The following DCC variants were observed in gnomAD, a reference collection of about 807,000 sequenced individuals.
DCC encodes the protein DCC netrin 1 receptor.
DCC carries 58 observed loss-of-function variants against 172.5 expected under a neutral mutation model. The ratio of observed to expected loss-of-function variants is 0.34; its 90% CI spans 0.27 to 0.42. The LOEUF is 0.42. Among genes scored for constraint, DCC ranks in the 10% least tolerant of loss-of-function variants. The probability of loss-of-function intolerance (pLI) is 1.00; values close to 1 mark genes in which losing one functional copy is unlikely to be tolerated. For synonymous variants in DCC, 709 were observed against 644.5 expected, an observed-to-expected ratio of 1.10 and a Z score of -1.52; for missense variants, 1,740 against 1,791.0, an observed-to-expected ratio of 0.97 and a Z score of 0.51.
chr18:52,661,137 G>A (rs1259267267), intron 1 of DCC, among the ~76,000 whole-genome samples: 6 of 152,144 alleles, frequency 3.9e-5, no homozygotes, highest in Admixed American at 3.9e-4. Context: ...TACCCTGGTG[G>A]GGAACAAATA....
chr18:52,572,593 G>A (rs1271728948), intron 1 of DCC, among the ~76,000 whole-genome samples: 1 of 152,166 alleles, frequency 6.6e-6, no homozygotes, highest in Non-Finnish European at 1.5e-5. Context: ...TGTTGCCCGT[G>A]GGGCTTTGCT....
chr18:52,784,547 C>G (rs961759430), intron 2 of DCC, among the ~76,000 whole-genome samples: 1 of 151,936 alleles, frequency 6.6e-6, no homozygotes, highest in African/African-American at 2.4e-5. Flanking sequence ...TATACGGGTT[C>G]AATTTTTCTC....
At chr18:52,364,806 A>G (rs58124795) in intron 1 of DCC, among the ~76,000 whole-genome samples, 2,055 of 152,322 alleles carry the variant, frequency 0.013, 33 homozygotes, top group African/African-American at 0.046. Context: ...AGGAGGTGGC[A>G]TGGTGAAGTC....
chr18:52,544,816 C>G (rs541703558), intron 1 of DCC, among the ~76,000 whole-genome samples: 1 of 152,254 alleles, frequency 6.6e-6, no homozygotes, highest in Admixed American at 6.5e-5. Context: ...TGAATGTTGT[C>G]TGGAAAAGTT....
chr18:53,463,059 T>G (rs1182420842), intron 24 of DCC, among the ~76,000 whole-genome samples: 3 of 152,256 alleles, frequency 2.0e-5, no homozygotes, highest in African/African-American at 7.2e-5. Flanking sequence ...ACAAATCCCT[T>G]TTGCAGGAAC....
intron 7 of DCC, among the ~76,000 whole-genome samples, chr18:53,136,178 T>C (rs931711297): frequency 1.3e-5 from 2 of 149,832 alleles, no homozygotes; most frequent in African/African-American, 2.5e-5. Context: ...GTATATTCTT[T>C]ATGGGCATGT....
At chr18:53,150,398 C>T (rs1325215025) in intron 7 of DCC, among the ~76,000 whole-genome samples, 2 of 152,138 alleles carry the variant, frequency 1.3e-5, no homozygotes, top group Admixed American at 1.3e-4. Context: ...TAGCTGGACC[C>T]TGCAATAATT....
chr18:52,751,365 A>T (rs1046880939), intron 1 of DCC, among the ~76,000 whole-genome samples: 3 of 152,128 alleles, frequency 2.0e-5, no homozygotes, highest in Non-Finnish European at 4.4e-5. Flanking sequence ...CCCTTGGTTG[A>T]TTCTTTATGT....
chr18:53,442,246 T>A (rs575228056), intron 22 of DCC, among the ~76,000 whole-genome samples: 2 of 152,376 alleles, frequency 1.3e-5, no homozygotes, highest in East Asian at 3.9e-4. Flanking sequence ...GTGCTAACCC[T>A]GCATTGTGCA....
intron 7 of DCC, among the ~76,000 whole-genome samples, chr18:53,136,703 TG>T (rs1460058123): frequency 6.6e-6 from 1 of 152,160 alleles, no homozygotes; most frequent in East Asian, 1.9e-4. Flanking sequence ...GGTGATTTTT[TG>T]GTTGATGTAC....
chr18:53,029,313 C>T (rs926041764), intron 5 of DCC, among the ~76,000 whole-genome samples: 2 of 152,126 alleles, frequency 1.3e-5, no homozygotes, highest in Admixed American at 1.3e-4. Context: ...ATTTCTATTG[C>T]TTCATTAGAA....
chr18:53,203,202 TGTGTGTG>T (rs146091405), intron 9 of DCC, among the ~76,000 whole-genome samples: 3,869 of 89,934 alleles, frequency 0.043, 130 homozygotes, highest in African/African-American at 0.14. Context: ...TAGATTCTCT[TGTGTGTG>T]TGTGTGTGTG....
intron 1 of DCC, among the ~76,000 whole-genome samples, chr18:52,660,098 C>G (rs1457490001): frequency 6.6e-6 from 1 of 152,110 alleles, no homozygotes; most frequent in African/African-American, 2.4e-5. Flanking sequence ...TCTAGATTCT[C>G]ACTTCAATGT....
At chr18:53,057,281 A>G (rs2042421499) in intron 5 of DCC, among the ~76,000 whole-genome samples, 1 of 152,104 alleles carries the variant, frequency 6.6e-6, no homozygotes, top group African/African-American at 2.4e-5. Flanking sequence ...ACGTTTAAAA[A>G]GAAAAACAGA....
At chr18:52,832,244 AG>A (rs2145297463) in intron 2 of DCC, among the ~76,000 whole-genome samples, 2 of 152,252 alleles carry the variant, frequency 1.3e-5, no homozygotes, top group South Asian at 4.1e-4. Flanking sequence ...TGGGTTTCAT[AG>A]GGGAAAGAGC....
intron 7 of DCC, among the ~76,000 whole-genome samples, chr18:53,068,229 A>T (rs116326391): frequency 0.015 from 2,265 of 152,256 alleles, 62 homozygotes; most frequent in African/African-American, 0.052. Flanking sequence ...CTTTAAAATC[A>T]GGGTCTCTAA....
In DCC at chr18:53,302,231, A is replaced by T. The variant is rs144472109; in HGVS notation, c.1912-3347A>T. Among the ~76,000 whole-genome samples the T allele has an allele frequency of 3.3e-5, 5 of 151,982 alleles. No homozygotes were observed. The East Asian group carries it at 9.7e-4, about 29-fold the overall frequency. ...AAGATACAGGAGTAATAACTTCAAC[A>T]TATGACTCTTGGTGGTCAAAATTCA... On this transcript the variant is annotated intron_variant, in intron 12 of 28. Coordinates refer to ENST00000442544, the MANE Select transcript of DCC (RefSeq NM_005215.4).
At chr18:53,330,088 G>A (rs749235234) in intron 14 of DCC, among the ~76,000 whole-genome samples, 1 of 152,156 alleles carries the variant, frequency 6.6e-6, no homozygotes, top group Non-Finnish European at 1.5e-5. Flanking sequence ...GGAGGGTAAA[G>A]TCATCACATC....
At chr18:52,846,576 C>T (rs1191730006) in intron 2 of DCC, among the ~76,000 whole-genome samples, 1 of 147,022 alleles carries the variant, frequency 6.8e-6, no homozygotes, top group Admixed American at 6.8e-5. Flanking sequence ...CTGCTTCCTC[C>T]TCCTCTTCTA....
Sources: gnomAD v4.1 joint callset for allele counts (sites outside exome capture counted in the v4.1 genomes callset) on GRCh38, gnomAD v4.1.1 for gene constraint, MANE v1.5 for transcripts, NCBI Gene and HGNC (gene_info 2026-07-23, HGNC 2026-07-21) for gene names.